FHOD3: variants seen among roughly 807,000 people sequenced by gnomAD.
FHOD3 encodes the protein FH1/FH2 domain-containing protein 3.
A neutral mutation model predicts 173.0 loss-of-function variants in FHOD3; 90 were observed. The observed-to-expected ratio is 0.52, with a 90% CI of 0.44 to 0.62. FHOD3 has a LOEUF of 0.62. Ranked by LOEUF, FHOD3 falls within the 20% of genes least tolerant of loss-of-function variation. The probability of loss-of-function intolerance (pLI) is 0.00; values close to 1 mark genes in which losing one functional copy is unlikely to be tolerated. For synonymous variants in FHOD3, 828 were observed against 823.0 expected (o/e 1.01, Z -0.10); for missense variants, 1,945 against 2,034.7 (o/e 0.96, Z 0.85).
chr18:36,693,619 A>C lies in FHOD3; in HGVS notation c.2236+196A>C, dbSNP rs537668935. On this transcript the variant is annotated intron_variant, in intron 17 of 28. Coordinates refer to ENST00000590592, the MANE Select transcript of FHOD3 (RefSeq NM_001281740.3). ...ACGTCTTCAGAGCCACTTATATTAAAGCAAAATGATTCATCAAAGTTGTCA... is the reference window on the plus strand; with the variant it reads ...ACGTCTTCAGAGCCACTTATATTAACGCAAAATGATTCATCAAAGTTGTCA... Among the ~76,000 whole-genome samples the C allele has an allele frequency of 2.6e-5, 4 of 152,354 alleles. No homozygotes were observed. The South Asian group carries it at 8.3e-4, about 32-fold the overall frequency.
intron 3 of FHOD3, among the ~76,000 whole-genome samples, chr18:36,461,391 G>GT (rs564101141): frequency 8.1e-4 from 122 of 151,400 alleles, no homozygotes; most frequent in African/African-American, 2.8e-3. Context: ...TGGGAATAAA[G>GT]TTTTTTACTA....
intron 17 of FHOD3, among the ~76,000 whole-genome samples, chr18:36,705,197 A>G (rs2149621914): frequency 6.6e-6 from 1 of 152,134 alleles, no homozygotes; most frequent in South Asian, 2.1e-4. Context: ...TCCCTCCATC[A>G]ACACACAGCG....
intron 3 of FHOD3, among the ~76,000 whole-genome samples, chr18:36,399,831 G>A (rs2048720780): frequency 6.6e-6 from 1 of 152,206 alleles, no homozygotes. Flanking sequence ...ATCTTGCTGG[G>A]AGGAAGACCA....
Position 36,774,892 on chromosome 18 carries a change from G to A in FHOD3, c.4787-4556G>A, listed in dbSNP as rs1158868531. The stretch of plus-strand genomic sequence containing the variant: ...CTCCTCTAATCTGTGAGGACACTTT[G>A]TGACCTTGGTATTTTTGAAAATTAC... On this transcript the variant is annotated intron_variant, in intron 28 of 28. Transcript: ENST00000590592. Among the ~76,000 whole-genome samples the A allele has an allele frequency of 2.0e-5, 3 of 152,128 alleles. No homozygotes were observed. In the East Asian group the frequency reaches 5.8e-4, roughly 29 times the overall value.
chr18:36,551,848 T>C (rs1010023488), intron 5 of FHOD3, among the ~76,000 whole-genome samples: 1 of 152,138 alleles, frequency 6.6e-6, no homozygotes, highest in African/African-American at 2.4e-5. Flanking sequence ...TCTCTTCCAT[T>C]GATCTATGTC....
rs1295101601 is a variant in FHOD3 at position 36,717,824 on chromosome 18, A to G, written c.2534-8A>G. On this transcript the variant is annotated splice_region_variant and splice_polypyrimidine_tract_variant and intron_variant, in intron 18 of 28. Transcript: ENST00000590592. The stretch of plus-strand genomic sequence containing the variant: ...CCTTTCTCATTTTTCTCTCCCATGT[A>G]CTTTCAGGTTTGTGGCCCGCAGGTG... 6.4e-7 allele frequency: 1 copy of G among 1,554,660 alleles called. No individual in the cohort carries two copies. Among genetic ancestry groups the G allele is most frequent in the Admixed American group, 1.9e-5 (1 of 52,564 alleles).
intron 3 of FHOD3, among the ~76,000 whole-genome samples, chr18:36,378,725 A>G (rs898120024): frequency 2.0e-5 from 3 of 151,968 alleles, no homozygotes; most frequent in Non-Finnish European, 4.4e-5. Flanking sequence ...CTTGTTGCCC[A>G]TGCTGGAGTG....
chr18:36,685,746 G>A (rs1018603548), intron 15 of FHOD3, among the ~76,000 whole-genome samples: 3 of 152,182 alleles, frequency 2.0e-5, no homozygotes, highest in Non-Finnish European at 4.4e-5. Context: ...GAGGTCCAGT[G>A]TTGAAAACCA....
At chr18:36,747,696 C>A (rs1029188659) in intron 24 of FHOD3, among the ~76,000 whole-genome samples, 2 of 152,194 alleles carry the variant, frequency 1.3e-5, no homozygotes, top group African/African-American at 4.8e-5. Flanking sequence ...ATGTGTCAGA[C>A]CTTGTTGTGC....
intron 5 of FHOD3, among the ~76,000 whole-genome samples, chr18:36,559,651 T>C (rs2058021159): frequency 6.6e-6 from 1 of 152,136 alleles, no homozygotes; most frequent in Non-Finnish European, 1.5e-5. Flanking sequence ...TGAGGATATG[T>C]CTATTTTGGT....
intron 2 of FHOD3, among the ~76,000 whole-genome samples, chr18:36,358,085 T>C (rs769330084): frequency 2.6e-5 from 4 of 152,252 alleles, no homozygotes; most frequent in Non-Finnish European, 4.4e-5. Flanking sequence ...TCTCAATTTT[T>C]CATCTGAGAC....
At chr18:36,751,484 C>A (rs2042399448) in intron 24 of FHOD3, among the ~76,000 whole-genome samples, 1 of 152,152 alleles carries the variant, frequency 6.6e-6, no homozygotes, top group Non-Finnish European at 1.5e-5. Flanking sequence ...TCCTGATTGC[C>A]CTGACCAGAA....
At chr18:36,481,299 G>T (rs1389650418) in intron 3 of FHOD3, among the ~76,000 whole-genome samples, 1 of 152,046 alleles carries the variant, frequency 6.6e-6, no homozygotes, top group East Asian at 1.9e-4. Flanking sequence ...TTTGGACCAA[G>T]CTCTTCAAGT....
At chr18:36,318,854 TG>T (rs1268481451) in intron 1 of FHOD3, among the ~76,000 whole-genome samples, 1 of 152,196 alleles carries the variant, frequency 6.6e-6, no homozygotes, top group African/African-American at 2.4e-5. Context: ...ATATTGGCTG[TG>T]GGTTTGTCAT....
chr18:36,501,007 A>G (rs2055004644), intron 3 of FHOD3, among the ~76,000 whole-genome samples: 2 of 152,216 alleles, frequency 1.3e-5, no homozygotes, highest in South Asian at 2.1e-4. Context: ...TCGCAGCACC[A>G]TCACTCTGGC....
chr18:36,621,023 A>G (rs966290850), intron 9 of FHOD3, among the ~76,000 whole-genome samples: 2 of 152,218 alleles, frequency 1.3e-5, no homozygotes, highest in African/African-American at 4.8e-5. Context: ...CTTGCTGGAA[A>G]CAGGCCCAAT....
intron 3 of FHOD3, among the ~76,000 whole-genome samples, chr18:36,441,843 G>C (rs2051173792): frequency 6.6e-6 from 1 of 152,190 alleles, no homozygotes; most frequent in South Asian, 2.1e-4. Context: ...GGTAGTGCTA[G>C]AAGGAACCTT....
chr18:36,747,756 C>T (rs1295109093), intron 24 of FHOD3, among the ~76,000 whole-genome samples: 1 of 152,204 alleles, frequency 6.6e-6, no homozygotes, highest in African/African-American at 2.4e-5. Flanking sequence ...CAGGGCCGTG[C>T]CACCAGAAAG....
intron 9 of FHOD3, among the ~76,000 whole-genome samples, chr18:36,617,116 C>T (rs2033269642): frequency 6.6e-6 from 1 of 152,244 alleles, no homozygotes; most frequent in Admixed American, 6.5e-5. Flanking sequence ...TAGCCAGGGA[C>T]ATCCTGCTAA....
Sources: allele counts gnomAD v4.1 joint callset (sites outside exome capture counted in the v4.1 genomes callset), GRCh38; gene constraint gnomAD v4.1.1; transcripts MANE v1.5; gene names NCBI Gene and HGNC (gene_info 2026-07-23, HGNC 2026-07-21).